The following GREB1L variants were observed in gnomAD, a reference collection of about 807,000 sequenced individuals.
GREB1L encodes GREB1 like retinoic acid receptor coactivator, also known as GREB1-like protein.
In GREB1L, 17 loss-of-function variants were observed where a neutral mutation model predicts 200.8. The ratio of observed to expected loss-of-function variants is 0.08; its 90% CI spans 0.06 to 0.13. GREB1L has a LOEUF of 0.13. Ranked by LOEUF, GREB1L falls within the 10% of genes least tolerant of loss-of-function variation. GREB1L has a pLI of 1.00. For missense variants in GREB1L, 1,657 were observed against 2,367.7 expected (o/e 0.70, Z 6.23); for synonymous variants, 789 against 893.0 (o/e 0.88, Z 2.08).
intron 1 of GREB1L, among the ~76,000 whole-genome samples, chr18:21,323,361 T>TG (rs1598658204): frequency 6.6e-6 from 1 of 152,150 alleles, no homozygotes; most frequent in East Asian, 1.9e-4. Flanking sequence ...GGAAAAATAT[T>TG]TGTAACTGAT....
chr18:21,425,096 TC>T (rs1446696097), intron 7 of GREB1L, among the ~76,000 whole-genome samples: 1 of 152,224 alleles, frequency 6.6e-6, no homozygotes, highest in African/African-American at 2.4e-5. Context: ...TTTCAGTTTT[TC>T]AGTCAGGTTG....
chr18:21,290,003 A>G (rs1268128983), intron 1 of GREB1L, among the ~76,000 whole-genome samples: 1 of 151,826 alleles, frequency 6.6e-6, no homozygotes, highest in Non-Finnish European at 1.5e-5. Context: ...AAAAGATGAG[A>G]CTCCTGGGAT....
chr18:21,418,503 T>A (rs2144823051), intron 7 of GREB1L, among the ~76,000 whole-genome samples: 1 of 152,288 alleles, frequency 6.6e-6, no homozygotes, highest in South Asian at 2.1e-4. Flanking sequence ...TTTTATTGTT[T>A]TTTAAAAAAA....
intron 1 of GREB1L, among the ~76,000 whole-genome samples, chr18:21,303,606 A>G (rs1466242396): frequency 6.6e-6 from 1 of 152,190 alleles, no homozygotes; most frequent in Non-Finnish European, 1.5e-5. Flanking sequence ...GCTTCTTTGC[A>G]CTTCAAAAAG....
intron 21 of GREB1L, among the ~76,000 whole-genome samples, chr18:21,498,553 G>A (rs911048197): frequency 1.3e-5 from 2 of 152,166 alleles, no homozygotes; most frequent in African/African-American, 4.8e-5. Context: ...TCCTTCCTGT[G>A]GTTCTTCCGT....
intron 19 of GREB1L, among the ~76,000 whole-genome samples, chr18:21,493,646 G>T (rs896325709): frequency 6.6e-6 from 1 of 151,878 alleles, no homozygotes; most frequent in Admixed American, 6.6e-5. Context: ...GCGGGCAGTC[G>T]CTTGAGGTCA....
chr18:21,483,699 G>A (rs914716048), intron 17 of GREB1L, among the ~76,000 whole-genome samples: 9 of 151,974 alleles, frequency 5.9e-5, no homozygotes, highest in Admixed American at 4.6e-4. Context: ...AGAACCAGCC[G>A]GGCACATTGG....
chr18:21,359,853 A>G (rs997829062), intron 1 of GREB1L, among the ~76,000 whole-genome samples: 1 of 152,210 alleles, frequency 6.6e-6, no homozygotes, highest in Non-Finnish European at 1.5e-5. Context: ...TGTTTTCTTG[A>G]ATATTGTTAC....
At chr18:21,515,735 C>T in intron 29 of GREB1L, 91 bp downstream of exon 29, 1 of 919,598 alleles carries the variant, frequency 1.1e-6, no homozygotes, top group Non-Finnish European at 1.6e-6. Context: ...ATTCGTATGT[C>T]TTCAGTTGAG....
intron 19 of GREB1L, 45 bp downstream of exon 19, chr18:21,490,396 C>G: frequency 6.7e-7 from 1 of 1,493,584 alleles, no homozygotes; most frequent in East Asian, 2.5e-5. Context: ...CCATTTGTTT[C>G]TCTTTTCTAG....
chr18:21,379,557 G>T (rs1406815485), intron 2 of GREB1L, among the ~76,000 whole-genome samples: 1 of 152,206 alleles, frequency 6.6e-6, no homozygotes, highest in Non-Finnish European at 1.5e-5. Context: ...AGTGGTAATA[G>T]ATTAAGAGGC....
chr18:21,382,386 C>T (rs1465526864), intron 2 of GREB1L, among the ~76,000 whole-genome samples: 1 of 151,974 alleles, frequency 6.6e-6, no homozygotes, highest in Non-Finnish European at 1.5e-5. Context: ...TGTGGACCAT[C>T]AGAAGGGTAG....
At chr18:21,320,367 T>TA (rs1361446101) in intron 1 of GREB1L, among the ~76,000 whole-genome samples, 1 of 152,080 alleles carries the variant, frequency 6.6e-6, no homozygotes. Flanking sequence ...TAATTACTGC[T>TA]AAAAAACAAG....
intron 1 of GREB1L, among the ~76,000 whole-genome samples, chr18:21,340,910 G>T (rs765299403): frequency 1.3e-5 from 2 of 152,174 alleles, no homozygotes; most frequent in Non-Finnish European, 2.9e-5. Context: ...TCTTCCCATG[G>T]TTAGGGATTT....
intron 27 of GREB1L, 35 bp downstream of exon 27, chr18:21,508,626 C>T (rs540486250): frequency 4.0e-6 from 6 of 1,516,320 alleles, no homozygotes; most frequent in African/African-American, 1.4e-5. Context: ...AGAAGGGCTT[C>T]GAAGATAAAC....
chr18:21,355,946 G>T (rs2039496081), intron 1 of GREB1L, among the ~76,000 whole-genome samples: 2 of 138,856 alleles, frequency 1.4e-5, no homozygotes, highest in African/African-American at 2.7e-5. Flanking sequence ...TTCTAATTTT[G>T]TATGAGAAAT....
intron 4 of GREB1L, among the ~76,000 whole-genome samples, chr18:21,385,212 A>G (rs1258031880): frequency 1.3e-5 from 2 of 152,182 alleles, no homozygotes; most frequent in Non-Finnish European, 2.9e-5. Context: ...ATTTCAGTGC[A>G]TGAAAATTTT....
intron 10 of GREB1L, among the ~76,000 whole-genome samples, chr18:21,443,055 C>G (rs985017737): frequency 6.6e-6 from 1 of 151,672 alleles, no homozygotes; most frequent in East Asian, 1.9e-4. Flanking sequence ...GAGCGTGCAC[C>G]ACCACGCTCA....
chr18:21,469,303 T>G (rs989703609), intron 15 of GREB1L, among the ~76,000 whole-genome samples: 3 of 152,236 alleles, frequency 2.0e-5, no homozygotes, highest in African/African-American at 7.2e-5. Context: ...TCATTTTTAT[T>G]TTATTCTATG....
Sources: gnomAD v4.1 joint callset for allele counts (sites outside exome capture counted in the v4.1 genomes callset) on GRCh38, gnomAD v4.1.1 for gene constraint, MANE v1.5 for transcripts, NCBI Gene and HGNC (gene_info 2026-07-23, HGNC 2026-07-21) for gene names.